The following MYO3B variants were observed in gnomAD, a reference collection of about 807,000 sequenced individuals.
The protein encoded by MYO3B is myosin-IIIb.
MYO3B carries 156 observed loss-of-function variants against 174.6 expected under a neutral mutation model. The observed-to-expected ratio is 0.89, with a 90% CI of 0.78 to 1.02. MYO3B has a LOEUF of 1.02. Among genes scored for constraint, MYO3B ranks in the 50% least tolerant of loss-of-function variants. MYO3B has a pLI of 0.00. For synonymous variants in MYO3B, 563 were observed against 569.1 expected (o/e 0.99, Z 0.15); for missense variants, 1,632 against 1,639.4 (o/e 1.00, Z 0.08).
intron 7 of MYO3B, among the ~76,000 whole-genome samples, chr2:170,250,477 C>T (rs571963125): frequency 8.8e-4 from 134 of 152,278 alleles, no homozygotes; most frequent in African/African-American, 2.8e-3. Flanking sequence ...CTTTTCTGTC[C>T]GGTTGCTGCT....
At chr2:170,520,932 G>A (rs1162080807) in intron 30 of MYO3B, among the ~76,000 whole-genome samples, 1 of 152,164 alleles carries the variant, frequency 6.6e-6, no homozygotes. Flanking sequence ...ATGGCAAAGG[G>A]AAGGCCTAAT....
chr2:170,578,242 G>A lies in MYO3B; in HGVS notation c.3733+34254G>A, dbSNP rs563354498. Among the ~76,000 whole-genome samples, 4 of 152,346 alleles carry A rather than the reference G, an allele frequency of 2.6e-5. No individual in the cohort carries two copies. In the East Asian group the frequency reaches 7.7e-4, roughly 29 times the overall value. On this transcript the variant is annotated intron_variant, in intron 32 of 34. Transcript: ENST00000408978. ...GACAAGGTCGCAGCCTGCGGCTCTT[G>A]GGGTCGTGATGTCTGGAGACCTGAG... is the stretch of plus-strand genomic sequence containing the variant.
At chr2:170,376,363 T>A (rs2094293306) in intron 9 of MYO3B, among the ~76,000 whole-genome samples, 1 of 152,250 alleles carries the variant, frequency 6.6e-6, no homozygotes, top group Non-Finnish European at 1.5e-5. Flanking sequence ...GGCTCTGTTA[T>A]CAAAGGGTAT....
chr2:170,244,724 G>C (rs1364118739), intron 7 of MYO3B, among the ~76,000 whole-genome samples: 1 of 152,162 alleles, frequency 6.6e-6, no homozygotes, highest in East Asian at 1.9e-4. Context: ...AGAAAGCTGT[G>C]ATCACTAGGA....
At chr2:170,428,038 A>G (rs2094679144) in intron 22 of MYO3B, among the ~76,000 whole-genome samples, 5 of 152,240 alleles carry the variant, frequency 3.3e-5, no homozygotes, top group Admixed American at 3.3e-4. Flanking sequence ...CATTGCAGAA[A>G]GGGAGCAAAA....
chr2:170,411,119 G>A lies in MYO3B; in HGVS notation c.2650+3275G>A, dbSNP rs1368629774. ...TTAACTTGAGGTTTTCTGGTAGCTA[G>A]ATTGCCACTGTCCTTTGCTTTCAAA... On this transcript the variant is annotated intron_variant, in intron 22 of 34. Transcript: ENST00000408978. Among the ~76,000 whole-genome samples the A allele has an allele frequency of 2.0e-5, 3 of 152,334 alleles. No individual in the cohort carries two copies. The East Asian group carries it at 5.8e-4, about 29-fold the overall frequency.
Position 170,601,937 on chromosome 2 carries a change from G to C in MYO3B, c.3734-49691G>C, listed in dbSNP as rs1156324850. ...CAGAACAGCAAAAAGGCCGAAGGAG[G>C]CCTCTTGGGTGCATTGGAATCCTCG... On this transcript the variant is annotated intron_variant, in intron 32 of 34. Coordinates refer to ENST00000408978, the MANE Select transcript of MYO3B (RefSeq NM_138995.5). The C allele has an allele frequency of 4.8e-6, 4 of 825,834 alleles. No individual in the cohort carries two copies. In the Admixed American group the frequency reaches 6.2e-5, roughly 13 times the overall value. 51.2% of individuals were successfully genotyped at this position (825,834 alleles called of 1,614,324 possible). A position where few individuals can be genotyped will look rare whatever the true frequency, so the allele number is the denominator to read the frequency against.
chr2:170,578,754 C>G (rs1168173906), intron 32 of MYO3B, among the ~76,000 whole-genome samples: 1 of 152,208 alleles, frequency 6.6e-6, no homozygotes, highest in Non-Finnish European at 1.5e-5. Context: ...ATATTGTGGT[C>G]TAAGTGAACG....
chr2:170,394,078 T>C (rs2094430878), intron 16 of MYO3B, among the ~76,000 whole-genome samples: 1 of 152,166 alleles, frequency 6.6e-6, no homozygotes, highest in Admixed American at 6.5e-5. Context: ...GAAGTCAAGG[T>C]TAATAATCAT....
intron 32 of MYO3B, among the ~76,000 whole-genome samples, chr2:170,633,744 A>C (rs1697227658): frequency 6.6e-6 from 1 of 152,230 alleles, no homozygotes; most frequent in Admixed American, 6.5e-5. Flanking sequence ...AATCTCCTTA[A>C]GCTAATAAGG....
In MYO3B at chr2:170,383,820, A is replaced by T. The variant is rs2094353698; in HGVS notation, c.1290+6A>T. The T allele has an allele frequency of 1.2e-6, 2 of 1,603,060 alleles. No individual in the cohort carries two copies. The highest frequency in any genetic ancestry group is 2.7e-5 in the African/African-American group (2 of 74,818). ...TTACTCTCAGCAAAGACCAGGTAAG[A>T]ACTCACCTTCCTTTCCTACGGAGTC... On this transcript the variant is annotated splice_donor_region_variant and intron_variant, in intron 12 of 34. Transcript: ENST00000408978.
chr2:170,524,067 C>A (rs1034574862), intron 30 of MYO3B, among the ~76,000 whole-genome samples: 1 of 152,028 alleles, frequency 6.6e-6, no homozygotes, highest in Non-Finnish European at 1.5e-5. Context: ...AAGGACGATC[C>A]GTATATGTCA....
Position 170,474,743 on chromosome 2 carries a change from CAAAAAAAAAAAAAAAAAAAAAAA to C in MYO3B, c.3014+8051_3014+8073del, listed in dbSNP as rs55913448. 2.9e-4 allele frequency among the ~76,000 whole-genome samples: 11 copies of C among 37,582 alleles called. No individual in the cohort carries two copies. In the East Asian group the frequency reaches 3.4e-3, roughly 11 times the overall value. 24.7% of individuals were successfully genotyped at this position (37,582 alleles called of 152,430 possible). ...GGGTGACAAGAGTGAAACTCCGTCT[CAAAAAAAAAAAAAAAAAAAAAAA>C]AAAAAAAAAAAAAAAAAAGATAGGC... On this transcript the variant is annotated intron_variant, in intron 25 of 34. Transcript: ENST00000408978.
intron 32 of MYO3B, among the ~76,000 whole-genome samples, chr2:170,585,756 A>G (rs1440696459): frequency 6.6e-6 from 1 of 152,186 alleles, no homozygotes; most frequent in Non-Finnish European, 1.5e-5. Flanking sequence ...AACCACTTCA[A>G]GAAATCACAC....
intron 22 of MYO3B, among the ~76,000 whole-genome samples, chr2:170,439,445 A>G (rs947135215): frequency 5.3e-5 from 8 of 151,982 alleles, no homozygotes; most frequent in Non-Finnish European, 1.0e-4. Context: ...TTCCTTATAT[A>G]TTTTACACAT....
chr2:170,425,168 A>G (rs2094650482), intron 22 of MYO3B, among the ~76,000 whole-genome samples: 2 of 152,142 alleles, frequency 1.3e-5, no homozygotes, highest in African/African-American at 4.8e-5. Context: ...TCATCTCTCT[A>G]CTTAAAGATG....
intron 2 of MYO3B, 39 bp downstream of exon 2, chr2:170,199,430 T>C (rs1173663032): frequency 6.9e-7 from 1 of 1,455,114 alleles, no homozygotes. Context: ...AATTTGGTGT[T>C]TTATGCACAC....
chr2:170,235,451 T>C (rs116526743), intron 6 of MYO3B, among the ~76,000 whole-genome samples: 2,624 of 152,268 alleles, frequency 0.017, 37 homozygotes, highest in Non-Finnish European at 0.025. Flanking sequence ...CATACCATTG[T>C]TGGAGTTTGA....
intron 8 of MYO3B, among the ~76,000 whole-genome samples, chr2:170,357,377 G>A (rs1558920298): frequency 6.8e-6 from 1 of 146,896 alleles, no homozygotes; most frequent in African/African-American, 2.5e-5. Context: ...ATTTATATGT[G>A]TATTATATAT....
Sources: gnomAD v4.1 joint callset for allele counts (sites outside exome capture counted in the v4.1 genomes callset) on GRCh38, gnomAD v4.1.1 for gene constraint, MANE v1.5 for transcripts, NCBI Gene and HGNC (gene_info 2026-07-23, HGNC 2026-07-21) for gene names.